Variants in SH3PXD2A observed in about 807,000 individuals in gnomAD.
SH3PXD2A encodes SH3 and PX domain-containing protein 2A.
Under a neutral mutation model 115.2 loss-of-function variants are expected in SH3PXD2A, and 32 were observed. That is an observed-to-expected ratio of 0.28 (90% CI 0.21 to 0.37). The LOEUF is 0.37. Among genes scored for constraint, SH3PXD2A ranks in the 10% least tolerant of loss-of-function variants. The pLI is 1.00. For synonymous variants in SH3PXD2A, 610 were observed against 629.1 expected (o/e 0.97, Z 0.45); for missense variants, 1,328 against 1,498.7 (o/e 0.89, Z 1.88).
chr10:103,645,900 T>G (rs1482843596), intron 8 of SH3PXD2A, among the ~76,000 whole-genome samples: 4 of 152,110 alleles, frequency 2.6e-5, no homozygotes, highest in African/African-American at 9.7e-5. Context: ...AAGCCTCCAG[T>G]GGATTCACCA....
chr10:103,626,061 G>A (rs1437255603), intron 9 of SH3PXD2A, among the ~76,000 whole-genome samples: 1 of 152,254 alleles, frequency 6.6e-6, no homozygotes, highest in African/African-American at 2.4e-5. Flanking sequence ...GAGCAGCCCA[G>A]CCTGAACATG....
chr10:103,834,234 C>A (rs1026674823), intron 1 of SH3PXD2A, among the ~76,000 whole-genome samples: 4 of 152,164 alleles, frequency 2.6e-5, no homozygotes, highest in African/African-American at 9.7e-5. Flanking sequence ...GTGTCCAGGA[C>A]CCCTCGGCCA....
chr10:103,603,775 G>C lies in SH3PXD2A; in HGVS notation c.1443C>G (p.Asn481Lys). 6.2e-7 allele frequency: 1 copy of C among 1,608,194 alleles called. No homozygotes were observed. The highest frequency in any genetic ancestry group is 8.5e-7 in the Non-Finnish European group (1 of 1,179,736). Reference sequence around the variant, plus strand: ...TCTGCACGTACCACCAGCCACCTGAGTTCTTATCAATGACCTGGGGTACGA... The same window carrying C: ...TCTGCACGTACCACCAGCCACCTGACTTCTTATCAATGACCTGGGGTACGA... The part of the protein sequence containing the change: ...GGQKAEVIDK[N>K]SGGWWYVQIG... The change falls in exon 15 of 15, where the codon AAC becomes AAG. Residue 481 changes from asparagine to lysine, a missense_variant. This residue lies in a region of SH3PXD2A where 509 missense variants were observed against 628.3 expected (regional missense o/e 0.81). Coordinates refer to ENST00000369774, the MANE Select transcript of SH3PXD2A (RefSeq NM_001394015.1).
intron 6 of SH3PXD2A, among the ~76,000 whole-genome samples, chr10:103,679,184 TG>T (rs1346614521): frequency 1.3e-5 from 2 of 152,228 alleles, no homozygotes; most frequent in Non-Finnish European, 1.5e-5. Flanking sequence ...GCAGCACTTG[TG>T]ACACTGTTTT....
chr10:103,853,017 AC>A (rs1203016174), intron 1 of SH3PXD2A, among the ~76,000 whole-genome samples: 6 of 152,232 alleles, frequency 3.9e-5, no homozygotes, highest in African/African-American at 1.4e-4. Flanking sequence ...CAATTCCACA[AC>A]ATGTAACACT....
chr10:103,694,129 C>A (rs1221158227), intron 5 of SH3PXD2A, among the ~76,000 whole-genome samples: 1 of 152,214 alleles, frequency 6.6e-6, no homozygotes, highest in Non-Finnish European at 1.5e-5. Flanking sequence ...GTTCAGTGCT[C>A]AGGGAACAGT....
chr10:103,664,633 G>A (rs902587912), intron 7 of SH3PXD2A, among the ~76,000 whole-genome samples: 2 of 151,450 alleles, frequency 1.3e-5, no homozygotes, highest in South Asian at 4.2e-4. Flanking sequence ...CACAGCGGCT[G>A]CTTAATAAAG....
intron 1 of SH3PXD2A, among the ~76,000 whole-genome samples, chr10:103,804,093 C>G (rs986290316): frequency 6.6e-6 from 1 of 152,060 alleles, no homozygotes; most frequent in Admixed American, 6.6e-5. Flanking sequence ...AGCCTCCAGG[C>G]AGCAGGCTTC....
chr10:103,606,919 C>A (rs1178588275), intron 13 of SH3PXD2A, among the ~76,000 whole-genome samples: 1 of 152,184 alleles, frequency 6.6e-6, no homozygotes, highest in Non-Finnish European at 1.5e-5. Context: ...GCCGCCACCC[C>A]GTCTGGGAAG....
rs1387122758 is a variant in SH3PXD2A, at chr10:103,596,379, C to A, written c.*5437G>T. 6.6e-6 allele frequency: 1 copy of A among 152,480 alleles called. No individual in the cohort carries two copies. Among genetic ancestry groups the A allele is most frequent in the Non-Finnish European group, 1.5e-5 (1 of 68,020 alleles). The allele number at this position is 152,480 out of a possible 1,614,324, so 9.4% of individuals were successfully genotyped here. A position where few individuals can be genotyped will look rare whatever the true frequency, so the allele number is the denominator to read the frequency against. ...GACTGCCTAGGCCACTTATGCTAGA[C>A]CTGTTAATGCCAGTGTGAAATTTCC... On this transcript the variant is annotated 3_prime_UTR_variant, in exon 15 of 15. Transcript: ENST00000369774.
At chr10:103,722,134 T>G (rs1464944818) in intron 5 of SH3PXD2A, among the ~76,000 whole-genome samples, 1 of 151,772 alleles carries the variant, frequency 6.6e-6, no homozygotes, top group Non-Finnish European at 1.5e-5. Context: ...TGAAACCCCG[T>G]CTCTACTAAA....
intron 3 of SH3PXD2A, among the ~76,000 whole-genome samples, chr10:103,761,620 C>T (rs2038700456): frequency 6.6e-6 from 1 of 152,228 alleles, no homozygotes; most frequent in South Asian, 2.1e-4. Context: ...TACAGGTCAC[C>T]TGAGTCCCCG....
At chr10:103,722,791 T>C (rs1336945723) in intron 5 of SH3PXD2A, among the ~76,000 whole-genome samples, 1 of 152,164 alleles carries the variant, frequency 6.6e-6, no homozygotes, top group Non-Finnish European at 1.5e-5. Context: ...TTGCATCCTA[T>C]ACCCTGTGGC....
At position 103,746,443 on chromosome 10, in the gene SH3PXD2A, C is replaced by T. The variant is rs576274619; in HGVS notation, c.230-10635G>A. Among the ~76,000 whole-genome samples the T allele has an allele frequency of 2.0e-5, 3 of 152,218 alleles. No individual in the cohort carries two copies. The highest frequency in any genetic ancestry group is 2.1e-4 in the South Asian group (1 of 4,826). ...CAAGTGATTCTCCCACTTCAGCCTC[C>T]GGAGTAGCTGGGATTACAGGCATGC... On this transcript the variant is annotated intron_variant, in intron 3 of 14. Coordinates refer to ENST00000369774, the MANE Select transcript of SH3PXD2A (RefSeq NM_001394015.1). The surrounding 1 kb of genome is among the most constrained non-coding windows in gnomAD (Gnocchi z 4.4).
intron 5 of SH3PXD2A, among the ~76,000 whole-genome samples, chr10:103,717,638 G>T (rs2038121246): frequency 6.6e-6 from 1 of 152,218 alleles, no homozygotes; most frequent in Non-Finnish European, 1.5e-5. Context: ...GGAATCTACA[G>T]ACAGAGTTCC....
In SH3PXD2A at chr10:103,665,844, T is replaced by C. The variant is rs1592290289; in HGVS notation, c.472+2764A>G. ...AGATGAGGAGTGCTTGGCAGGAGCA[T>C]GGAGAAGGGGTGTACCTCTTCTAGA... is the stretch of plus-strand genomic sequence containing the variant. On this transcript the variant is annotated intron_variant, in intron 7 of 14. Transcript: ENST00000369774. The surrounding 1 kb of genome is among the most constrained non-coding windows in gnomAD (Gnocchi z 4.0). 6.6e-6 allele frequency among the ~76,000 whole-genome samples: 1 copy of C among 152,122 alleles called. No individual in the cohort carries two copies. Among genetic ancestry groups the C allele is most frequent in the East Asian group, 1.9e-4 (1 of 5,180 alleles).
rs145248813 is a variant in SH3PXD2A, at chr10:103,642,075, T to C, written c.605-14873A>G. The stretch of plus-strand genomic sequence containing the variant: ...TGTACTTAATACCCCCAATGACCCA[T>C]CATAAAGCTGAAAAATTGTAAGTCA... On this transcript the variant is annotated intron_variant, in intron 8 of 14. Coordinates refer to ENST00000369774, the MANE Select transcript of SH3PXD2A (RefSeq NM_001394015.1). Among the ~76,000 whole-genome samples the C allele has an allele frequency of 3.8e-3, 572 of 151,818 alleles. 4 individuals are homozygous for C. Among genetic ancestry groups the C allele is most frequent in the African/African-American group, 0.013 (539 of 41,384 alleles).
chr10:103,793,359 A>G (rs1415886207), intron 2 of SH3PXD2A, among the ~76,000 whole-genome samples: 6 of 152,170 alleles, frequency 3.9e-5, no homozygotes, highest in Non-Finnish European at 5.9e-5. Context: ...TTATCATACT[A>G]TAAGTACTGT....
intron 3 of SH3PXD2A, among the ~76,000 whole-genome samples, chr10:103,741,139 C>A (rs1292616291): frequency 1.3e-5 from 2 of 152,166 alleles, no homozygotes; most frequent in East Asian, 1.9e-4. Context: ...TTCAGTGGAG[C>A]CTTCAAGGAG....
Sources: allele counts gnomAD v4.1 joint callset (sites outside exome capture counted in the v4.1 genomes callset), GRCh38; gene constraint gnomAD v4.1.1; regional missense constraint gnomAD v4.1.1; non-coding constraint Gnocchi (gnomAD v3.1); transcripts MANE v1.5; gene names NCBI Gene and HGNC (gene_info 2026-07-23, HGNC 2026-07-21).